Variants in TACC2 observed in about 807,000 individuals in gnomAD.
TACC2 encodes transforming acidic coiled-coil-containing protein 2.
Under a neutral mutation model 227.3 loss-of-function variants are expected in TACC2, and 137 were observed. That is an observed-to-expected ratio of 0.60 (90% CI 0.52 to 0.69). The LOEUF is 0.69. TACC2 is among the 30% of genes least tolerant of loss of function. The pLI is 0.00. For missense variants in TACC2, 3,470 were observed against 3,694.4 expected (o/e 0.94, Z 1.57); for synonymous variants, 1,523 against 1,487.5 (o/e 1.02, Z -0.55).
intron 8 of TACC2, among the ~76,000 whole-genome samples, chr10:122,196,496 A>G (rs1480063658): frequency 2.0e-5 from 3 of 152,170 alleles, no homozygotes; most frequent in Admixed American, 2.0e-4. Flanking sequence ...TTTGATTTGA[A>G]AGTAGAGAAG....
At chr10:122,101,471 G>A (rs2082130502) in intron 5 of TACC2, among the ~76,000 whole-genome samples, 1 of 151,254 alleles carries the variant, frequency 6.6e-6, no homozygotes, top group Non-Finnish European at 1.5e-5. Context: ...CTATAATCCA[G>A]CACTTTGGGA....
At chr10:122,163,827 C>T (rs1264103242) in intron 7 of TACC2, 8 of 1,468,760 alleles carry the variant, frequency 5.4e-6, no homozygotes, top group African/African-American at 1.4e-5. Flanking sequence ...TGCAGCAACC[C>T]CGGCCGCCGG....
intron 1 of TACC2, among the ~76,000 whole-genome samples, chr10:121,991,237 T>C (rs1953016038): frequency 6.6e-6 from 1 of 152,214 alleles, no homozygotes; most frequent in Non-Finnish European, 1.5e-5. Context: ...CCTTAAACAT[T>C]GTATATTTTT....
chr10:122,042,093 C>T (rs1442438130), intron 2 of TACC2, among the ~76,000 whole-genome samples: 13 of 152,194 alleles, frequency 8.5e-5, no homozygotes, highest in Admixed American at 8.5e-4. Context: ...CCACAGGCGC[C>T]CGCGACCACG....
At chr10:122,049,190 T>C (rs748120391) in intron 2 of TACC2, among the ~76,000 whole-genome samples, 6 of 152,220 alleles carry the variant, frequency 3.9e-5, no homozygotes, top group Non-Finnish European at 5.9e-5. Context: ...GGGCAATGCA[T>C]GCGGCCTCAT....
At position 122,237,518 on chromosome 10, in the gene TACC2, C is replaced by T. The variant is rs745600319; in HGVS notation, c.8251C>T (p.Leu2751Phe). 1.2e-6 allele frequency: 2 copies of T among 1,613,662 alleles called. No individual in the cohort carries two copies. The highest frequency in any genetic ancestry group is 1.7e-6 in the Non-Finnish European group (2 of 1,179,752). The stretch of plus-strand genomic sequence containing the variant: ...CCAGCAGCCCGACCTGGACTCTGCC[C>T]TCCAGATCGCCAGAGCAGAGGTATC... Reference protein sequence around the residue: ...LFQQPDLDSALQIARAEIITK... With the variant: ...LFQQPDLDSAFQIARAEIITK... Residue 2751 changes from leucine to phenylalanine, a missense_variant, in exon 17 of 23, where the codon CTC (leucine) becomes TTC (phenylalanine). By Grantham distance (22) the Leu-to-Phe change is conservative. Around this residue, in one of 10 missense-constraint regions of TACC2, gnomAD observed 345 missense variants for 354.4 expected, o/e 0.97. Transcript: ENST00000369005.
chr10:122,008,267 T>TTATTTTA lies in TACC2; in HGVS notation c.-45-13669_-45-13668insATTTTAT, dbSNP rs1370151687. On this transcript the variant is annotated intron_variant, in intron 1 of 22. Coordinates refer to ENST00000369005, the MANE Select transcript of TACC2 (RefSeq NM_206862.4). ...CTTTGTTATTATTATTATTATTATT[T>TTATTTTA]TTTTTTTTTGAGACAGAATTTTGCT... 1.0e-3 allele frequency among the ~76,000 whole-genome samples: 18 copies of TTATTTTA among 17,730 alleles called. No homozygotes were observed. In the South Asian group the frequency reaches 0.014, roughly 13 times the overall value. 11.6% of individuals were successfully genotyped at this position (17,730 alleles called of 152,430 possible).
At chr10:122,105,936 T>TC (rs1555032356) in intron 5 of TACC2, among the ~76,000 whole-genome samples, 1,123 of 89,666 alleles carry the variant, frequency 0.013, 8 homozygotes, top group Non-Finnish European at 0.014. Context: ...CATAAACATT[T>TC]TCTCTCTCTG....
intron 2 of TACC2, among the ~76,000 whole-genome samples, chr10:122,027,893 G>C (rs1011562477): frequency 6.6e-6 from 1 of 151,494 alleles, no homozygotes; most frequent in African/African-American, 2.4e-5. Flanking sequence ...ACAGGCGCCT[G>C]TCACCATGCC....
At chr10:122,220,465 C>T (rs1442977980) in intron 11 of TACC2, among the ~76,000 whole-genome samples, 1 of 152,056 alleles carries the variant, frequency 6.6e-6, no homozygotes, top group Non-Finnish European at 1.5e-5. Context: ...AGGTGTGGGC[C>T]CCACTGCATC....
chr10:122,065,237 A>C (rs1385845049), intron 3 of TACC2, among the ~76,000 whole-genome samples: 1 of 152,172 alleles, frequency 6.6e-6, no homozygotes, highest in Non-Finnish European at 1.5e-5. Context: ...GGCATCATTG[A>C]TTTGAGACCT....
chr10:122,216,595 G>T, intron 10 of TACC2, 32 bp from the exon 11 acceptor site: 1 of 1,602,862 alleles, frequency 6.2e-7, no homozygotes. Flanking sequence ...AGAGTCTGAT[G>T]AGACAAGAAA....
intron 7 of TACC2, among the ~76,000 whole-genome samples, chr10:122,179,043 A>G (rs1200165293): frequency 2.0e-5 from 3 of 152,250 alleles, no homozygotes; most frequent in Admixed American, 6.5e-5. Flanking sequence ...ACACCTTGCC[A>G]TGAAAGTAAC....
intron 7 of TACC2, among the ~76,000 whole-genome samples, chr10:122,165,520 T>G (rs560068020): frequency 2.6e-4 from 40 of 152,222 alleles, no homozygotes; most frequent in Admixed American, 6.5e-4. Flanking sequence ...GAGGGCCGAG[T>G]TTAGATAGCT....
At chr10:122,219,470 G>A (rs1486095289) in intron 11 of TACC2, among the ~76,000 whole-genome samples, 4 of 152,302 alleles carry the variant, frequency 2.6e-5, no homozygotes, top group Non-Finnish European at 4.4e-5. Context: ...CCTCAACGTC[G>A]TAGGGGCTAA....
chr10:122,148,887 G>A (rs1225970736), intron 7 of TACC2, among the ~76,000 whole-genome samples: 1 of 152,228 alleles, frequency 6.6e-6, no homozygotes, highest in African/African-American at 2.4e-5. Context: ...AGGAGAGAGA[G>A]CTTCAAGTCT....
chr10:122,078,261 C>T (rs1339860660), intron 3 of TACC2, among the ~76,000 whole-genome samples: 1 of 141,028 alleles, frequency 7.1e-6, no homozygotes, highest in African/African-American at 2.7e-5. Flanking sequence ...GTGTTTAGTA[C>T]ATGGCAACTC....
chr10:122,086,164 C>T lies in TACC2; in HGVS notation c.3664C>T (p.Leu1222Phe). ...THQAVPDPKE[L>F]LLSGPPEVAA... is the part of the protein sequence containing the mutation. Reference sequence around the variant, plus strand: ...CCAGGCTGTCCCAGACCCAAAGGAGCTCCTGCTGTCTGGGCCACCAGAAGT... The same window carrying T: ...CCAGGCTGTCCCAGACCCAAAGGAGTTCCTGCTGTCTGGGCCACCAGAAGT... Residue 1222 changes from leucine to phenylalanine, a missense_variant, in exon 4 of 23, where the codon CTC (leucine) becomes TTC (phenylalanine). By Grantham distance (22) the Leu-to-Phe change is conservative (BLOSUM62 0). Coordinates refer to ENST00000369005, the MANE Select transcript of TACC2 (RefSeq NM_206862.4). The T allele has an allele frequency of 6.2e-7, 1 of 1,613,744 alleles. No homozygotes were observed. The highest frequency in any genetic ancestry group is 8.5e-7 in the Non-Finnish European group (1 of 1,179,988).
chr10:122,145,098 T>G (rs539901664), intron 7 of TACC2, among the ~76,000 whole-genome samples: 7 of 152,326 alleles, frequency 4.6e-5, no homozygotes, highest in Non-Finnish European at 8.8e-5. Flanking sequence ...ACAATTACTC[T>G]TCTCAAATAT....
Sources: allele counts gnomAD v4.1 joint callset (sites outside exome capture counted in the v4.1 genomes callset), GRCh38; gene constraint gnomAD v4.1.1; regional missense constraint gnomAD v4.1.1; transcripts MANE v1.5; gene names NCBI Gene and HGNC (gene_info 2026-07-23, HGNC 2026-07-21).